Variants in ARIH1 observed in about 807,000 individuals in gnomAD.
ARIH1 encodes E3 ubiquitin-protein ligase ARIH1.
Under a neutral mutation model 85.0 loss-of-function variants are expected in ARIH1, and 8 were observed. The observed-to-expected ratio is 0.09, with a 90% CI of 0.06 to 0.17. ARIH1 has a LOEUF of 0.17. ARIH1 is among the 10% of genes least tolerant of loss of function. The pLI, the probability that ARIH1 is intolerant of heterozygous loss-of-function variation, is 1.00. For missense variants in ARIH1, 311 were observed against 718.1 expected, an observed-to-expected ratio of 0.43 and a Z score of 6.48; for synonymous variants, 238 against 253.6, an observed-to-expected ratio of 0.94 and a Z score of 0.59.
chr15:72,489,596 A>C (rs1486180930), intron 1 of ARIH1, among the ~76,000 whole-genome samples: 1 of 152,348 alleles, frequency 6.6e-6, no homozygotes, highest in East Asian at 1.9e-4. Context: ...CTTGTGTGAC[A>C]AAATGGGAGG....
rs1170826498 is a variant in ARIH1 at position 72,483,328 on chromosome 15, T to A, written c.375+8314T>A. The stretch of plus-strand genomic sequence containing the variant: ...GCTGACAACACAGTAGCTTGTTTCC[T>A]CCAGAGTGAGGGATCTTAGAGAAAA... On this transcript the variant is annotated intron_variant, in intron 1 of 13. Transcript: ENST00000379887. Among the ~76,000 whole-genome samples the A allele has an allele frequency of 2.0e-5, 3 of 152,212 alleles. No homozygotes were observed. The East Asian group carries it at 5.8e-4, about 29-fold the overall frequency.
chr15:72,527,279 C>T (rs2064033956), intron 2 of ARIH1, among the ~76,000 whole-genome samples: 1 of 152,222 alleles, frequency 6.6e-6, no homozygotes, highest in African/African-American at 2.4e-5. Context: ...CCATTGGGCA[C>T]AGGTATCACT....
chr15:72,546,675 T>G (rs2064130220), intron 3 of ARIH1, among the ~76,000 whole-genome samples: 1 of 148,084 alleles, frequency 6.8e-6, no homozygotes, highest in Non-Finnish European at 1.5e-5. Flanking sequence ...GTGTGTGTGT[T>G]TTGTTTGTTT....
intron 9 of ARIH1, 139 bp downstream of exon 9, chr15:72,567,316 A>G (rs961251483): frequency 1.7e-5 from 11 of 637,716 alleles, no homozygotes; most frequent in African/African-American, 3.9e-5. Context: ...TTTTTTTCCC[A>G]GAATGTTTGC....
intron 2 of ARIH1, among the ~76,000 whole-genome samples, chr15:72,542,715 C>CTG (rs1458827564): frequency 4.6e-5 from 7 of 152,208 alleles, no homozygotes; most frequent in African/African-American, 1.7e-4. Context: ...GTCTGTGTGG[C>CTG]TGTATACTCA....
chr15:72,474,568 G>T lies in ARIH1; in HGVS notation c.-72G>T. 1.4e-6 allele frequency: 2 copies of T among 1,466,548 alleles called. No homozygotes were observed. The highest frequency in any genetic ancestry group is 1.8e-6 in the Non-Finnish European group (2 of 1,112,166). 90.8% of individuals were successfully genotyped at this position (1,466,548 alleles called of 1,614,324 possible). A position where few individuals can be genotyped will look rare whatever the true frequency, so the allele number is the denominator to read the frequency against. On this transcript the variant is annotated 5_prime_UTR_variant, in exon 1 of 14. Transcript: ENST00000379887. ...CGGACATCAGCCGGAGCCGGAGCGAGAGCCGGGGCCTCGGCGTCCCCGCCC... is the reference window on the plus strand; with the variant it reads ...CGGACATCAGCCGGAGCCGGAGCGATAGCCGGGGCCTCGGCGTCCCCGCCC...
intron 9 of ARIH1, among the ~76,000 whole-genome samples, chr15:72,568,927 T>C (rs2140435102): frequency 6.6e-6 from 1 of 152,246 alleles, no homozygotes; most frequent in South Asian, 2.1e-4. Context: ...GATCCCTCCT[T>C]GGGAGAGTTA....
At chr15:72,482,911 G>A (rs1317439289) in intron 1 of ARIH1, among the ~76,000 whole-genome samples, 3 of 150,568 alleles carry the variant, frequency 2.0e-5, no homozygotes, top group Non-Finnish European at 4.4e-5. Flanking sequence ...CATAATCTCG[G>A]CTCATTGCAA....
At chr15:72,527,678 T>C (rs1472545904) in intron 2 of ARIH1, among the ~76,000 whole-genome samples, 2 of 152,222 alleles carry the variant, frequency 1.3e-5, no homozygotes, top group Non-Finnish European at 1.5e-5. Context: ...GGAATTGTAC[T>C]GTCATTGGCC....
Position 72,602,848 on chromosome 15 carries a change from A to C in ARIH1, c.*19556A>C, listed in dbSNP as rs2064386714. 1 of 152,216 alleles carries C rather than the reference A, an allele frequency of 6.6e-6. No individual in the cohort carries two copies. Among genetic ancestry groups the C allele is most frequent in the Non-Finnish European group, 1.5e-5 (1 of 68,036 alleles). The allele number at this position is 152,216 out of a possible 1,614,324, so 9.4% of individuals were successfully genotyped here. A position where few individuals can be genotyped will look rare whatever the true frequency, so the allele number is the denominator to read the frequency against. ...AACTTTCAAGGAGTTTCTCCAACCCAAAATGGCACCCTTCCTGAAAAGATT... is the reference window on the plus strand; with the variant it reads ...AACTTTCAAGGAGTTTCTCCAACCCCAAATGGCACCCTTCCTGAAAAGATT... On this transcript the variant is annotated 3_prime_UTR_variant, in exon 14 of 14. Transcript: ENST00000379887.
At chr15:72,568,937 AC>A (rs959656109) in intron 9 of ARIH1, among the ~76,000 whole-genome samples, 2 of 152,176 alleles carry the variant, frequency 1.3e-5, no homozygotes, top group African/African-American at 4.8e-5. Flanking sequence ...TGGGAGAGTT[AC>A]AAACCTCAAT....
At chr15:72,509,032 C>A (rs919413353) in intron 1 of ARIH1, among the ~76,000 whole-genome samples, 14 of 148,808 alleles carry the variant, frequency 9.4e-5, no homozygotes, top group Non-Finnish European at 1.0e-4. Flanking sequence ...TGCTCTGTTG[C>A]CCAGGCTGGG....
intron 1 of ARIH1, among the ~76,000 whole-genome samples, chr15:72,502,039 A>T (rs2063906075): frequency 6.6e-6 from 1 of 152,172 alleles, no homozygotes; most frequent in African/African-American, 2.4e-5. Flanking sequence ...AAAGTCATAG[A>T]CTGCTATTTT....
chr15:72,592,745 T>C lies in ARIH1; in HGVS notation c.*9453T>C, dbSNP rs1165125750. 1.3e-5 allele frequency: 2 copies of C among 152,226 alleles called. No individual in the cohort carries two copies. Among genetic ancestry groups the C allele is most frequent in the Non-Finnish European group, 2.9e-5 (2 of 68,040 alleles). The allele number at this position is 152,226 out of a possible 1,614,324, so 9.4% of individuals were successfully genotyped here. A position where few individuals can be genotyped will look rare whatever the true frequency, so the allele number is the denominator to read the frequency against. On this transcript the variant is annotated 3_prime_UTR_variant, in exon 14 of 14. Transcript: ENST00000379887. ...ACGCATACTGTATGTATTAGGACAT[T>C]GTTCTTTATTGCTGAGTAGTATTTC...
intron 1 of ARIH1, among the ~76,000 whole-genome samples, chr15:72,489,247 CAAAAA>C (rs3028452): frequency 1.2e-5 from 1 of 84,066 alleles, no homozygotes; most frequent in Non-Finnish European, 2.1e-5. Flanking sequence ...GACCATGTCT[CAAAAA>C]AAAAAAAAAA....
intron 1 of ARIH1, among the ~76,000 whole-genome samples, chr15:72,482,735 C>T (rs775039896): frequency 1.3e-5 from 2 of 151,890 alleles, no homozygotes; most frequent in Non-Finnish European, 2.9e-5. Context: ...ATCATAGTTT[C>T]TGTGAGTCAC....
At chr15:72,503,845 T>C (rs1168663066) in intron 1 of ARIH1, among the ~76,000 whole-genome samples, 1 of 152,202 alleles carries the variant, frequency 6.6e-6, no homozygotes, top group African/African-American at 2.4e-5. Context: ...CTTTGGGTGC[T>C]GGCAGGAGCA....
At chr15:72,503,621 C>T (rs73444730) in intron 1 of ARIH1, among the ~76,000 whole-genome samples, 1,623 of 152,228 alleles carry the variant, frequency 0.011, 25 homozygotes, top group African/African-American at 0.038. Context: ...GTTTCTATTC[C>T]CTCCACCAAA....
rs2140446698 is a variant in ARIH1, at chr15:72,594,826, T to C, written c.*11534T>C. 1.4e-5 allele frequency: 2 copies of C among 140,246 alleles called. 1 individual carries two copies. The highest frequency in any genetic ancestry group is 1.5e-4 in the Admixed American group (2 of 13,792). The allele number at this position is 140,246 out of a possible 1,614,324, so 8.7% of individuals were successfully genotyped here. On this transcript the variant is annotated 3_prime_UTR_variant, in exon 14 of 14. Coordinates refer to ENST00000379887, the MANE Select transcript of ARIH1 (RefSeq NM_005744.5). ...GCCTTTTCTTCTTTTTTTTTTTTTT[T>C]TTTTTTTTTTTTGTCTTTCTCCACT... is the stretch of plus-strand genomic sequence containing the variant.
Sources: allele counts gnomAD v4.1 joint callset (sites outside exome capture counted in the v4.1 genomes callset), GRCh38; gene constraint gnomAD v4.1.1; transcripts MANE v1.5; gene names NCBI Gene and HGNC (gene_info 2026-07-23, HGNC 2026-07-21).